Variants in LAPTM4B observed in about 807,000 individuals in gnomAD.
LAPTM4B encodes lysosomal-associated transmembrane protein 4B.
Under a neutral mutation model 28.5 loss-of-function variants are expected in LAPTM4B, and 26 were observed. The ratio of observed to expected loss-of-function variants is 0.91; its 90% confidence interval spans 0.67 to 1.27. LAPTM4B has a LOEUF of 1.27. Among genes scored for constraint, LAPTM4B ranks in the 50% most tolerant of loss-of-function variants. The probability of loss-of-function intolerance (pLI) is 0.00; values close to 1 mark genes in which losing one functional copy is unlikely to be tolerated. For missense variants in LAPTM4B, 288 were observed against 285.8 expected, an observed-to-expected ratio of 1.01 and a Z score of -0.06; for synonymous variants, 109 against 106.4, an observed-to-expected ratio of 1.02 and a Z score of -0.15.
At chr8:97,806,657 A>G (rs1816758486) in intron 2 of LAPTM4B, among the ~76,000 whole-genome samples, 1 of 152,140 alleles carries the variant, frequency 6.6e-6, no homozygotes, top group African/African-American at 2.4e-5. Context: ...AGGTAATTGA[A>G]TTGTGGGAGC....
intron 6 of LAPTM4B, among the ~76,000 whole-genome samples, chr8:97,843,831 A>G (rs1490310328): frequency 6.6e-6 from 1 of 150,752 alleles, no homozygotes; most frequent in Non-Finnish European, 1.5e-5. Context: ...TGCTTACAAA[A>G]CAGTTGCTAA....
chr8:97,820,990 G>T (rs1375969342), intron 5 of LAPTM4B, among the ~76,000 whole-genome samples: 1 of 150,708 alleles, frequency 6.6e-6, no homozygotes, highest in African/African-American at 2.4e-5. Flanking sequence ...GCCTCCCAAA[G>T]TGCTGGAATT....
chr8:97,804,363 A>G (rs1816728919), intron 1 of LAPTM4B, among the ~76,000 whole-genome samples: 2 of 152,204 alleles, frequency 1.3e-5, no homozygotes, highest in Non-Finnish European at 2.9e-5. Flanking sequence ...AATGATCAGG[A>G]TTTTGCAGTT....
At chr8:97,837,311 G>T (rs1817277881) in intron 6 of LAPTM4B, among the ~76,000 whole-genome samples, 1 of 150,906 alleles carries the variant, frequency 6.6e-6, no homozygotes, top group African/African-American at 2.4e-5. Flanking sequence ...TCCTGTCTCA[G>T]CCTCCTGAGT....
chr8:97,799,623 C>T lies in LAPTM4B; in HGVS notation c.100-5730C>T, dbSNP rs530869311. On this transcript the variant is annotated intron_variant, in intron 1 of 6. Transcript: ENST00000521545. ...ATGGCCGCCTATAATTTTTATTTGA[C>T]ACCAGATTGGATTCCTGCCTCTAAT... Among the ~76,000 whole-genome samples the T allele has an allele frequency of 3.3e-5, 5 of 152,278 alleles. No homozygotes were observed. In the South Asian group the frequency reaches 1.0e-3, roughly 32 times the overall value.
chr8:97,816,943 A>G (rs1260536636), intron 4 of LAPTM4B, among the ~76,000 whole-genome samples: 1 of 46,652 alleles, frequency 2.1e-5, no homozygotes, highest in Non-Finnish European at 5.5e-5. Flanking sequence ...TCATCTAAAA[A>G]AAAAGAAAAA....
chr8:97,782,711 C>T (rs186843075), intron 1 of LAPTM4B, among the ~76,000 whole-genome samples: 4 of 150,762 alleles, frequency 2.7e-5, no homozygotes, highest in South Asian at 4.2e-4. Context: ...GCTGGGATTA[C>T]GGGCGTGAGC....
In LAPTM4B at chr8:97,775,867, A is replaced by C; in HGVS notation, c.-143A>C. On this transcript the variant is annotated 5_prime_UTR_variant, in exon 1 of 7. Coordinates refer to ENST00000521545, the MANE Select transcript of LAPTM4B (RefSeq NM_018407.6). ...GCTCGGAGCTCTCGGGGTATCGAGG[A>C]GGCAGGCCCGCGGGCGCACGGGCGA... 6.7e-7 allele frequency: 1 copy of C among 1,498,036 alleles called. No individual in the cohort carries two copies. Among genetic ancestry groups the C allele is most frequent in the Non-Finnish European group, 8.9e-7 (1 of 1,128,264 alleles). 92.8% of individuals were successfully genotyped at this position (1,498,036 alleles called of 1,614,324 possible). A position where few individuals can be genotyped will look rare whatever the true frequency, so the allele number is the denominator to read the frequency against.
rs532220760 is a variant in LAPTM4B, at chr8:97,819,727, C to CT, written c.507+514dup. ...ATGCATTTATCTCAAGATAAATTTC[C>CT]TTTTTTTTTTTTTTTTTTTTTTTTT... On this transcript the variant is annotated intron_variant, in intron 5 of 6. Coordinates refer to ENST00000521545, the MANE Select transcript of LAPTM4B (RefSeq NM_018407.6). 1.0e-3 allele frequency among the ~76,000 whole-genome samples: 79 copies of CT among 78,542 alleles called. 2 individuals are homozygous for CT. The highest frequency in any genetic ancestry group is 2.0e-3 in the East Asian group (6 of 2,936). 51.5% of individuals were successfully genotyped at this position (78,542 alleles called of 152,430 possible). A position where few individuals can be genotyped will look rare whatever the true frequency, so the allele number is the denominator to read the frequency against.
In LAPTM4B at chr8:97,851,616, T is replaced by A; in HGVS notation, c.*142T>A. 1.5e-6 allele frequency: 1 copy of A among 665,712 alleles called. No homozygotes were observed. Among genetic ancestry groups the A allele is most frequent in the Non-Finnish European group, 2.7e-6 (1 of 376,018 alleles). 41.2% of individuals were successfully genotyped at this position (665,712 alleles called of 1,614,324 possible). A position where few individuals can be genotyped will look rare whatever the true frequency, so the allele number is the denominator to read the frequency against. ...ACTTTTTAAAATTTAGATGTTAGAT[T>A]GAAAACTGTAGTTTTCAACATATGC... On this transcript the variant is annotated 3_prime_UTR_variant, in exon 7 of 7. Coordinates refer to ENST00000521545, the MANE Select transcript of LAPTM4B (RefSeq NM_018407.6).
chr8:97,830,573 A>T (rs1186533103), intron 6 of LAPTM4B, among the ~76,000 whole-genome samples: 1 of 152,168 alleles, frequency 6.6e-6, no homozygotes, highest in Non-Finnish European at 1.5e-5. Context: ...CTTTTTCAGG[A>T]ATGCGAGTAA....
At chr8:97,796,088 C>T (rs538426187) in intron 1 of LAPTM4B, among the ~76,000 whole-genome samples, 6 of 152,268 alleles carry the variant, frequency 3.9e-5, no homozygotes, top group South Asian at 2.1e-4. Flanking sequence ...TACAGGCATG[C>T]GCCACCCTAT....
chr8:97,819,259 T>C (rs1816968378), intron 5 of LAPTM4B, 21 bp downstream of exon 5: 6 of 1,418,754 alleles, frequency 4.2e-6, no homozygotes, highest in Non-Finnish European at 4.9e-6. Context: ...AGATTTTACT[T>C]ATAGTCTAAA....
intron 2 of LAPTM4B, among the ~76,000 whole-genome samples, chr8:97,807,769 A>C (rs1183689061): frequency 6.6e-6 from 1 of 152,128 alleles, no homozygotes; most frequent in Non-Finnish European, 1.5e-5. Context: ...GAGAGTAACT[A>C]ACTGGTAGTG....
At chr8:97,849,378 C>T (rs1340444820) in intron 6 of LAPTM4B, among the ~76,000 whole-genome samples, 1 of 152,156 alleles carries the variant, frequency 6.6e-6, no homozygotes, top group Non-Finnish European at 1.5e-5. Flanking sequence ...ACTGAGTTCC[C>T]TGGACACCTA....
chr8:97,822,239 T>C (rs562325805), intron 5 of LAPTM4B, among the ~76,000 whole-genome samples: 152 of 152,052 alleles, frequency 1.0e-3, no homozygotes, highest in African/African-American at 3.5e-3. Context: ...AGTTCGTCTT[T>C]GAAGGGTAGA....
In LAPTM4B at chr8:97,815,447, C is replaced by T. The variant is rs77374095; in HGVS notation, c.285+46C>T. 8.2e-5 allele frequency: 105 copies of T among 1,284,902 alleles called. No individual in the cohort carries two copies. In the East Asian group the frequency reaches 2.3e-3, roughly 28 times the overall value. The allele number at this position is 1,284,902 out of a possible 1,614,324, so 79.6% of individuals were successfully genotyped here. On this transcript the variant is annotated intron_variant, in intron 3 of 6. Coordinates refer to ENST00000521545, the MANE Select transcript of LAPTM4B (RefSeq NM_018407.6). ...TGCTGGCCTTTTCCTTGGTCTCTTA[C>T]ATGTGTAATCTGTGCTGCTGTCTAT... is the stretch of plus-strand genomic sequence containing the variant.
At chr8:97,841,164 G>A (rs191329454) in intron 6 of LAPTM4B, among the ~76,000 whole-genome samples, 1 of 152,162 alleles carries the variant, frequency 6.6e-6, no homozygotes, top group Non-Finnish European at 1.5e-5. Context: ...GGGCAGAGGC[G>A]CTCCTCACTT....
At chr8:97,777,758 C>T (rs1457527994) in intron 1 of LAPTM4B, among the ~76,000 whole-genome samples, 1 of 152,160 alleles carries the variant, frequency 6.6e-6, no homozygotes, top group Non-Finnish European at 1.5e-5. Flanking sequence ...AGCATATTAG[C>T]TAAACTTCGA....
Sources: gnomAD v4.1 joint callset for allele counts (sites outside exome capture counted in the v4.1 genomes callset) on GRCh38, gnomAD v4.1.1 for gene constraint, MANE v1.5 for transcripts, NCBI Gene and HGNC (gene_info 2026-07-23, HGNC 2026-07-21) for gene names.